SPMAP2L: variants seen among roughly 807,000 people sequenced by gnomAD.
SPMAP2L encodes sperm microtubule associated protein 2-like.
At chr4:56,600,097 C>CTTTTTTTTTTTT in the SPMAP2L span, among the ~76,000 whole-genome samples, 52 of 87,804 alleles carry the variant, frequency 5.9e-4, no homozygotes, top group African/African-American at 1.3e-3. Flanking sequence ...TCTTTGCTTT[C>CTTTTTTTTTTTT]TTTTTTTTTT....
chr4:56,580,201 A>G, the SPMAP2L span, among the ~76,000 whole-genome samples: 1 of 152,274 alleles, frequency 6.6e-6, no homozygotes, highest in South Asian at 2.1e-4. Context: ...CCAAATCCAA[A>G]TGTACATGCA....
chr4:56,599,284 A>G, the SPMAP2L span, among the ~76,000 whole-genome samples: 1 of 152,102 alleles, frequency 6.6e-6, no homozygotes, highest in Non-Finnish European at 1.5e-5. Context: ...CCTGGGCTCA[A>G]GTGATCCTCC....
the SPMAP2L span, chr4:56,596,440 T>C: frequency 7.0e-7 from 1 of 1,422,448 alleles, no homozygotes; most frequent in Non-Finnish European, 9.1e-7. Flanking sequence ...TTTGTAATCT[T>C]GAACTAAATA....
the SPMAP2L span, among the ~76,000 whole-genome samples, chr4:56,596,229 A>G: frequency 1.3e-5 from 2 of 152,078 alleles, no homozygotes; most frequent in African/African-American, 2.4e-5. Context: ...TTTTATCTGC[A>G]TTTATTAGTA....
the SPMAP2L span, among the ~76,000 whole-genome samples, chr4:56,566,438 C>T: frequency 6.6e-6 from 1 of 152,144 alleles, no homozygotes; most frequent in Non-Finnish European, 1.5e-5. Context: ...ACCTCGTGAT[C>T]CACCTGCCTT....
At chr4:56,593,107 C>T in the SPMAP2L span, 4 of 1,578,232 alleles carry the variant, frequency 2.5e-6, no homozygotes, top group Non-Finnish European at 3.5e-6. Flanking sequence ...TTTTGCGGAA[C>T]TTACTGGAGA....
the SPMAP2L span, among the ~76,000 whole-genome samples, chr4:56,586,501 T>C: frequency 6.6e-6 from 1 of 152,136 alleles, no homozygotes; most frequent in African/African-American, 2.4e-5. Context: ...ATTCAATCAC[T>C]GGGGGTTTGG....
the SPMAP2L span, among the ~76,000 whole-genome samples, chr4:56,554,402 T>C: frequency 1.3e-5 from 2 of 152,218 alleles, no homozygotes; most frequent in African/African-American, 4.8e-5. Context: ...TGGTATCTCA[T>C]TGTTTTAATT....
At chr4:56,601,193 A>G in the SPMAP2L span, 2 of 1,302,562 alleles carry the variant, frequency 1.5e-6, no homozygotes, top group Non-Finnish European at 2.0e-6. Flanking sequence ...AGGCAAATGA[A>G]AAGAGTTGTA....
At chr4:56,595,332 C>T in the SPMAP2L span, 2 of 1,608,556 alleles carry the variant, frequency 1.2e-6, no homozygotes, top group East Asian at 2.2e-5. Context: ...GATTTCACGC[C>T]CCTATCATGC....
chr4:56,562,466 A>G, the SPMAP2L span, among the ~76,000 whole-genome samples: 1 of 152,016 alleles, frequency 6.6e-6, no homozygotes, highest in Non-Finnish European at 1.5e-5. Flanking sequence ...GACTTGAGCC[A>G]TCAGTATATT....
chr4:56,578,143 T>A, the SPMAP2L span, among the ~76,000 whole-genome samples: 1 of 152,190 alleles, frequency 6.6e-6, no homozygotes, highest in Non-Finnish European at 1.5e-5. Context: ...TTCTTCTACC[T>A]GACATAAAAG....
At chr4:56,557,703 T>TGG in the SPMAP2L span, 2 of 152,134 alleles carry the variant, frequency 1.3e-5, no homozygotes, top group African/African-American at 4.8e-5. Context: ...CTGTGGGTAA[T>TGG]TGTGATGGTG....
chr4:56,555,249 T>C, the SPMAP2L span, among the ~76,000 whole-genome samples: 1 of 152,162 alleles, frequency 6.6e-6, no homozygotes, highest in Non-Finnish European at 1.5e-5. Flanking sequence ...AGGACTATCA[T>C]TTCTTGATTG....
At chr4:56,543,895 A>AGAGTGTGTGTGTGTGTGTGTGT in the SPMAP2L span, among the ~76,000 whole-genome samples, 3 of 109,418 alleles carry the variant, frequency 2.7e-5, no homozygotes, top group African/African-American at 1.1e-4. Flanking sequence ...AGAGAGAGAG[A>AGAGTGTGTGTGTGTGTGTGTGT]GTGTGTGTGT....
chr4:56,593,729 A>G, the SPMAP2L span: 3 of 1,571,974 alleles, frequency 1.9e-6, no homozygotes, highest in South Asian at 2.2e-5. Flanking sequence ...CGCCACTGGG[A>G]AAGAAGTGTA....
the SPMAP2L span, among the ~76,000 whole-genome samples, chr4:56,578,898 C>A: frequency 3.3e-5 from 5 of 151,326 alleles, no homozygotes; most frequent in South Asian, 4.2e-4. Flanking sequence ...GGTAATATAG[C>A]AAGACCTCAT....
At chr4:56,555,329 C>G in the SPMAP2L span, among the ~76,000 whole-genome samples, 1 of 152,160 alleles carries the variant, frequency 6.6e-6, no homozygotes, top group South Asian at 2.1e-4. Flanking sequence ...TCCCACTCAT[C>G]TGTCTCTTCT....
At chr4:56,594,288 A>G in the SPMAP2L span, 16 of 1,557,930 alleles carry the variant, frequency 1.0e-5, no homozygotes, top group Admixed American at 2.5e-4. Context: ...CTGGAAAATA[A>G]AGACATTTCC....
Sources: allele counts gnomAD v4.1 joint callset (sites outside exome capture counted in the v4.1 genomes callset), GRCh38; gene constraint gnomAD v4.1.1; transcripts MANE v1.5; gene names NCBI Gene and HGNC (gene_info 2026-07-23, HGNC 2026-07-21).